RNF213: variants seen among roughly 807,000 people sequenced by gnomAD.
The protein encoded by RNF213 is E3 ubiquitin-protein ligase RNF213.
In RNF213, 341 loss-of-function variants were observed where a neutral mutation model predicts 514.4. The observed-to-expected ratio is 0.66, with a 90% confidence interval of 0.61 to 0.73. RNF213 has a LOEUF of 0.73. Among genes scored for constraint, RNF213 ranks in the 30% least tolerant of loss-of-function variants. RNF213 has a pLI of 0.00. For missense variants in RNF213, 5,767 were observed against 6,615.6 expected (o/e 0.87, Z 4.45); for synonymous variants, 2,655 against 2,658.2 (o/e 1.00, Z 0.04).
In RNF213 at chr17:80,346,986, T is replaced by C; in HGVS notation, c.8651T>C (p.Ile2884Thr). ...APHKKVGFVG[I>T]SNWALDPAKM... Reference sequence around the variant, plus strand: ...CACAAAAAGGTCGGCTTCGTGGGCATCTCCAACTGGGCCCTTGACCCTGCC... The same window carrying C: ...CACAAAAAGGTCGGCTTCGTGGGCACCTCCAACTGGGCCCTTGACCCTGCC... The change falls in exon 29 of 68, where the codon ATC becomes ACC. Residue 2884 changes from isoleucine (I) to threonine (T), a missense_variant. Physicochemically the swap from Ile to Thr is moderately conservative, Grantham distance 89 (BLOSUM62 -1). Coordinates refer to ENST00000582970, the MANE Select transcript of RNF213 (RefSeq NM_001256071.3). The surrounding 1 kb of genome is among the most constrained non-coding windows in gnomAD (Gnocchi z 8.1). 3.1e-6 allele frequency: 5 copies of C among 1,613,746 alleles called. No homozygotes were observed. Among genetic ancestry groups the C allele is most frequent in the Non-Finnish European group, 4.2e-6 (5 of 1,179,860 alleles).
chr17:80,277,521 C>T (rs2044108723), intron 3 of RNF213, among the ~76,000 whole-genome samples: 1 of 149,020 alleles, frequency 6.7e-6, no homozygotes, highest in Non-Finnish European at 1.5e-5. Context: ...TTGCTTGAAC[C>T]TAGGAGGCAG....
At chr17:80,354,971 G>A (rs1026057727) in intron 36 of RNF213, 14 of 357,362 alleles carry the variant, frequency 3.9e-5, no homozygotes, top group Non-Finnish European at 6.6e-5. Context: ...GCTGTTTGAA[G>A]AATGGTAACA....
intron 2 of RNF213, among the ~76,000 whole-genome samples, chr17:80,269,007 C>G (rs2145111535): frequency 6.6e-6 from 1 of 152,270 alleles, no homozygotes; most frequent in Non-Finnish European, 1.5e-5. Context: ...GGCGTAAGTC[C>G]AAGTTTCCAA....
intron 2 of RNF213, among the ~76,000 whole-genome samples, chr17:80,269,946 A>G (rs956269524): frequency 3.3e-5 from 5 of 152,222 alleles, no homozygotes; most frequent in Non-Finnish European, 7.3e-5. Context: ...TACTTTTATG[A>G]CAATAAAAAT....
intron 3 of RNF213, among the ~76,000 whole-genome samples, chr17:80,284,469 G>A (rs1296411513): frequency 5.3e-5 from 8 of 152,098 alleles, no homozygotes; most frequent in East Asian, 3.8e-4. Context: ...GCATGAACCC[G>A]GGAAACAGAG....
intron 63 of RNF213, among the ~76,000 whole-genome samples, chr17:80,387,844 A>C (rs751976105): frequency 1.3e-5 from 2 of 151,302 alleles, no homozygotes; most frequent in Non-Finnish European, 2.9e-5. Flanking sequence ...GCACTTTCCC[A>C]TCTCTGTTCT....
rs118128489 is a variant in RNF213, at chr17:80,319,396, G to A, written c.3024+84G>A. On this transcript the variant is annotated intron_variant, in intron 17 of 67. Transcript: ENST00000582970. ...CCCAGCTAAGGGCTATGAAGCACCC[G>A]CTGGGTCTCAGCTCCTCCGCTAACT... 3.3e-3 allele frequency: 5,292 copies of A among 1,614,206 alleles called. 13 individuals are homozygous for A. The highest frequency in any genetic ancestry group is 4.0e-3 in the Non-Finnish European group (4,756 of 1,180,042).
chr17:80,277,251 G>C (rs962018220), intron 3 of RNF213, among the ~76,000 whole-genome samples: 1 of 152,042 alleles, frequency 6.6e-6, no homozygotes, highest in African/African-American at 2.4e-5. Flanking sequence ...TTGGCTGGGA[G>C]GAGTGGGGAG....
chr17:80,325,937 G>GTATTTATT lies in RNF213; in HGVS notation c.3193+769_3193+776dup, dbSNP rs144887674. 4.1e-3 allele frequency among the ~76,000 whole-genome samples: 607 copies of GTATTTATT among 147,448 alleles called. 5 individuals carry two copies. Among genetic ancestry groups the GTATTTATT allele is most frequent in the African/African-American group, 0.01 (410 of 39,674 alleles). On this transcript the variant is annotated intron_variant, in intron 18 of 67. Coordinates refer to ENST00000582970, the MANE Select transcript of RNF213 (RefSeq NM_001256071.3). ...TGAAAAGATCATTTTTGTGTTATTT[G>GTATTTATT]TATTTATTTATTTATTTATTTATTT... is the stretch of plus-strand genomic sequence containing the variant.
intron 8 of RNF213, among the ~76,000 whole-genome samples, chr17:80,292,536 G>A (rs1000821534): frequency 7.2e-5 from 11 of 152,174 alleles, no homozygotes; most frequent in African/African-American, 2.4e-4. Flanking sequence ...TGGTTGACTG[G>A]AGATGACATC....
chr17:80,328,858 C>T (rs1274456515), intron 20 of RNF213, among the ~76,000 whole-genome samples: 1 of 152,184 alleles, frequency 6.6e-6, no homozygotes, highest in African/African-American at 2.4e-5. Flanking sequence ...GTTAAATCAT[C>T]AGGACCCACA....
intron 47 of RNF213, 131 bp downstream of exon 47, chr17:80,372,116 T>A: frequency 1.4e-6 from 1 of 699,510 alleles, no homozygotes; most frequent in Non-Finnish European, 2.6e-6. Context: ...GAAGAAAGGT[T>A]TCAAAGACGC....
chr17:80,332,744 G>A (rs977836525), intron 21 of RNF213, 113 bp downstream of exon 21: 22 of 1,242,216 alleles, frequency 1.8e-5, no homozygotes, highest in Admixed American at 5.8e-5. Context: ...TAGAGCTTCC[G>A]TCAGGGGCTC....
intron 19 of RNF213, 38 bp from the exon 20 acceptor site, chr17:80,328,290 C>T: frequency 6.6e-7 from 1 of 1,510,986 alleles, no homozygotes; most frequent in East Asian, 2.5e-5. Context: ...GCATTTGTTG[C>T]TGTATTGGGT....
chr17:80,376,829 C>A, intron 52 of RNF213, 53 bp from the exon 53 acceptor site: 2 of 1,491,764 alleles, frequency 1.3e-6, no homozygotes, highest in African/African-American at 1.4e-5. Flanking sequence ...AGCAGCAGCA[C>A]CCAGGTGACA....
intron 21 of RNF213, among the ~76,000 whole-genome samples, chr17:80,333,630 G>A (rs973747484): frequency 6.6e-6 from 1 of 151,202 alleles, no homozygotes; most frequent in African/African-American, 2.4e-5. Flanking sequence ...GGAGGCGGAG[G>A]TTGCAGTGAA....
At position 80,295,904 on chromosome 17, in the gene RNF213, AG is replaced by A. The variant is rs1168484678; in HGVS notation, c.2012+92del. The A allele has an allele frequency of 3.4e-6, 5 of 1,456,050 alleles. No homozygotes were observed. In the African/African-American group the frequency reaches 7.0e-5, roughly 20 times the overall value. 90.2% of individuals were successfully genotyped at this position (1,456,050 alleles called of 1,614,324 possible). On this transcript the variant is annotated intron_variant, in intron 10 of 67. Transcript: ENST00000582970. ...TAAGTGCTTGACTAGAGTGACTGAA[AG>A]CACACAGGCAAGAAATAAAACCACC...
intron 38 of RNF213, 134 bp from the exon 39 acceptor site, chr17:80,361,600 G>T: frequency 2.3e-6 from 2 of 873,584 alleles, no homozygotes; most frequent in South Asian, 1.3e-5. Context: ...AAATCAGGCA[G>T]TTGGTACCCC....
chr17:80,367,737 C>T lies in RNF213; in HGVS notation c.11872-11C>T. 1 of 1,612,080 alleles carries T rather than the reference C, an allele frequency of 6.2e-7. No homozygotes were observed. Among genetic ancestry groups the T allele is most frequent in the Non-Finnish European group, 8.5e-7 (1 of 1,178,310 alleles). ...CCCCTGCTAATGACTCCTGTCCCTG[C>T]CTTTCTTCAGTGTCTTCGAGAGAAC... is the stretch of plus-strand genomic sequence containing the variant. On this transcript the variant is annotated splice_polypyrimidine_tract_variant and intron_variant, in intron 42 of 67. Transcript: ENST00000582970.
Sources: gnomAD v4.1 joint callset for allele counts (sites outside exome capture counted in the v4.1 genomes callset) on GRCh38, gnomAD v4.1.1 for gene constraint, Gnocchi (gnomAD v3.1) non-coding constraint, MANE v1.5 for transcripts, NCBI Gene and HGNC (gene_info 2026-07-23, HGNC 2026-07-21) for gene names.